PRSS23: variants seen among roughly 807,000 people sequenced by gnomAD.
PRSS23 encodes serine protease 23.
PRSS23 carries 25 observed loss-of-function variants against 34.7 expected under a neutral mutation model. The ratio of observed to expected loss-of-function variants is 0.72; its 90% CI spans 0.53 to 1.01. The LOEUF (loss-of-function observed/expected upper bound fraction) is 1.01. Among genes scored for constraint, PRSS23 ranks in the 50% least tolerant of loss-of-function variants. The pLI, the probability that PRSS23 is intolerant of heterozygous loss-of-function variation, is 0.00. For missense variants in PRSS23, 445 were observed against 475.6 expected, an observed-to-expected ratio of 0.94 and a Z score of 0.60; for synonymous variants, 176 against 186.6, an observed-to-expected ratio of 0.94 and a Z score of 0.46.
upstream of PRSS23, chr11:86,800,497 G>C (rs865919394): frequency 1.0e-6 from 1 of 984,048 alleles, no homozygotes; most frequent in Admixed American, 6.2e-5. Flanking sequence ...CGGGTGGCGC[G>C]GGGGGCGGAC....
intron 2 of PRSS23, among the ~76,000 whole-genome samples, chr11:86,926,318 G>A (rs112558964): frequency 6.6e-4 from 100 of 152,228 alleles, no homozygotes; most frequent in African/African-American, 2.1e-3. Context: ...AGCCAAGATC[G>A]CACCACTGCA....
intron 2 of PRSS23, among the ~76,000 whole-genome samples, chr11:86,904,093 T>C (rs1025284185): frequency 6.6e-6 from 1 of 152,188 alleles, no homozygotes; most frequent in African/African-American, 2.4e-5. Context: ...CATATAGGTC[T>C]GAACATGCAC....
intron 2 of PRSS23, among the ~76,000 whole-genome samples, chr11:86,872,551 T>C (rs1948692272): frequency 6.6e-6 from 1 of 152,226 alleles, no homozygotes; most frequent in East Asian, 1.9e-4. Flanking sequence ...TTGTCTCTCT[T>C]ACAGACAGTG....
intron 2 of PRSS23, among the ~76,000 whole-genome samples, chr11:86,846,002 C>G (rs1164838910): frequency 3.3e-5 from 5 of 152,210 alleles, no homozygotes; most frequent in Non-Finnish European, 7.3e-5. Flanking sequence ...GCCTTTGTTT[C>G]TCAATCTGGT....
chr11:86,923,814 T>C (rs1376580441), intron 2 of PRSS23, among the ~76,000 whole-genome samples: 1 of 152,184 alleles, frequency 6.6e-6, no homozygotes, highest in East Asian at 1.9e-4. Flanking sequence ...TCACCTGGCT[T>C]GTAAGTGACA....
intron 2 of PRSS23, chr11:86,951,069 T>G: frequency 6.6e-7 from 1 of 1,525,304 alleles, no homozygotes; most frequent in Non-Finnish European, 9.1e-7. Context: ...TGCATAAAAC[T>G]TTTAGTAGAA....
intron 2 of PRSS23, chr11:86,940,693 TC>T (rs1263150249): frequency 6.6e-6 from 1 of 152,134 alleles, no homozygotes; most frequent in African/African-American, 2.4e-5. Flanking sequence ...TCCCTCCCAC[TC>T]CAAGAATCTC....
At chr11:86,871,849 G>T (rs567092743) in intron 2 of PRSS23, among the ~76,000 whole-genome samples, 1 of 152,304 alleles carries the variant, frequency 6.6e-6, no homozygotes, top group African/African-American at 2.4e-5. Flanking sequence ...ACATGTTCAG[G>T]CAGAAGGGTC....
At chr11:86,882,867 AT>A (rs1412126698) in intron 2 of PRSS23, among the ~76,000 whole-genome samples, 1 of 151,952 alleles carries the variant, frequency 6.6e-6, no homozygotes, top group African/African-American at 2.4e-5. Context: ...AGCATCTGTT[AT>A]TTTTTCACTT....
At chr11:86,828,934 C>T (rs904833236) in intron 2 of PRSS23, among the ~76,000 whole-genome samples, 4 of 152,106 alleles carry the variant, frequency 2.6e-5, no homozygotes, top group African/African-American at 9.7e-5. Context: ...AACATTTTTT[C>T]CTTCATTTCA....
intron 1 of PRSS23, among the ~76,000 whole-genome samples, chr11:86,822,975 G>A (rs1948264414): frequency 6.6e-6 from 1 of 152,174 alleles, no homozygotes; most frequent in Admixed American, 6.5e-5. Flanking sequence ...TTAAATGCAG[G>A]ATCCACACTG....
In PRSS23 at chr11:86,929,338, A is replaced by AAC. The variant is rs377616023; in HGVS notation, c.207-21877_207-21876insCA. ...ACTCCGTCTCAAAAAAAAAAAACAA[A>AAC]AAAAAAAACCCCACAAACTCAAGGC... On this transcript the variant is annotated intron_variant, in intron 2 of 2. Coordinates refer to the PRSS23 transcript ENST00000533902. Among the ~76,000 whole-genome samples the AAC allele has an allele frequency of 6.2e-4, 94 of 150,930 alleles. 1 individual carries two copies. Among genetic ancestry groups the AAC allele is most frequent in the African/African-American group, 2.2e-3 (91 of 41,152 alleles).
chr11:86,944,811 T>C (rs1479834584), intron 2 of PRSS23, among the ~76,000 whole-genome samples: 1 of 152,080 alleles, frequency 6.6e-6, no homozygotes, highest in Non-Finnish European at 1.5e-5. Context: ...TCATTTAGGG[T>C]TTGAGATAAA....
chr11:86,831,979 A>G (rs1254418797), intron 2 of PRSS23, among the ~76,000 whole-genome samples: 6 of 151,370 alleles, frequency 4.0e-5, no homozygotes, highest in Admixed American at 3.9e-4. Flanking sequence ...TCCTAGGGGG[A>G]CCTTACTCCT....
At chr11:86,916,101 T>A (rs986160680) in intron 2 of PRSS23, among the ~76,000 whole-genome samples, 8 of 152,152 alleles carry the variant, frequency 5.3e-5, no homozygotes, top group African/African-American at 1.7e-4. Flanking sequence ...AAGGAAGTAT[T>A]TGTCATATAA....
At chr11:86,801,513 T>C (rs1423210093) in intron 1 of PRSS23, among the ~76,000 whole-genome samples, 1 of 152,172 alleles carries the variant, frequency 6.6e-6, no homozygotes, top group African/African-American at 2.4e-5. Flanking sequence ...GGCTTGCTTC[T>C]CTCAGCTCCT....
intron 2 of PRSS23, among the ~76,000 whole-genome samples, chr11:86,835,740 C>T (rs1376762831): frequency 6.6e-6 from 1 of 152,164 alleles, no homozygotes; most frequent in Admixed American, 6.5e-5. Flanking sequence ...GCCCTAAGTA[C>T]GTAACCTCCT....
intron 2 of PRSS23, among the ~76,000 whole-genome samples, chr11:86,889,550 C>T (rs773813650): frequency 6.6e-6 from 1 of 152,158 alleles, no homozygotes; most frequent in Non-Finnish European, 1.5e-5. Flanking sequence ...GGACTGAATG[C>T]ACTCCATCAA....
chr11:86,835,869 A>G lies in PRSS23; in HGVS notation c.206+12276A>G, dbSNP rs182256493. 2.6e-5 allele frequency among the ~76,000 whole-genome samples: 4 copies of G among 152,338 alleles called. No individual in the cohort carries two copies. In the East Asian group the frequency reaches 7.7e-4, roughly 29 times the overall value. ...CTGAACGGGCAGCTAAAAGTAAATC[A>G]TCCACGTACCGAAGGACAAGAGTGT... On this transcript the variant is annotated intron_variant, in intron 2 of 2. Transcript: ENST00000533902.
Sources: gnomAD v4.1 joint callset for allele counts (sites outside exome capture counted in the v4.1 genomes callset) on GRCh38, gnomAD v4.1.1 for gene constraint, MANE v1.5 for transcripts, NCBI Gene and HGNC (gene_info 2026-07-23, HGNC 2026-07-21) for gene names.